CLASP1: variants seen among roughly 807,000 people sequenced by gnomAD.
CLASP1 encodes the protein cytoplasmic linker associated protein 1.
A neutral mutation model predicts 192.3 loss-of-function variants in CLASP1; 38 were observed. That is an observed-to-expected ratio of 0.20 (90% CI 0.15 to 0.26). The LOEUF (loss-of-function observed/expected upper bound fraction) is 0.26. CLASP1 is among the 10% of genes least tolerant of loss of function. CLASP1 has a pLI of 1.00. For missense variants in CLASP1, 1,433 were observed against 1,932.5 expected (o/e 0.74, Z 4.85); for synonymous variants, 691 against 712.8 (o/e 0.97, Z 0.49).
chr2:121,554,203 A>AG (rs776844740), intron 2 of CLASP1, among the ~76,000 whole-genome samples: 1 of 152,132 alleles, frequency 6.6e-6, no homozygotes, highest in South Asian at 2.1e-4. Context: ...CGACAAAGCA[A>AG]GACCCTATCT....
At chr2:121,591,676 G>A (rs184906424) in intron 2 of CLASP1, among the ~76,000 whole-genome samples, 1 of 152,266 alleles carries the variant, frequency 6.6e-6, no homozygotes, top group East Asian at 1.9e-4. Flanking sequence ...TATTAAGGAC[G>A]CCTGAACATC....
At chr2:121,563,768 C>CTTTT (rs2059287278) in intron 2 of CLASP1, among the ~76,000 whole-genome samples, 1 of 151,840 alleles carries the variant, frequency 6.6e-6, no homozygotes, top group South Asian at 2.1e-4. Context: ...GAGAAATAAA[C>CTTTT]AAAAAAGAAT....
chr2:121,418,678 T>C, exon 23 of CLASP1: 1 of 1,613,898 alleles, frequency 6.2e-7, no homozygotes, highest in Non-Finnish European at 8.5e-7. Context: ...ACGGCTGGTA[T>C]CGCGGCTGCA....
intron 7 of CLASP1, among the ~76,000 whole-genome samples, chr2:121,515,033 A>G (rs1157449401): frequency 6.6e-6 from 1 of 152,210 alleles, no homozygotes; most frequent in African/African-American, 2.4e-5. Flanking sequence ...CCAGGGTAAA[A>G]GTTTGGAATT....
chr2:121,399,650 G>A (rs2149450388), intron 28 of CLASP1, among the ~76,000 whole-genome samples: 1 of 152,210 alleles, frequency 6.6e-6, no homozygotes. Context: ...AAAAAGAAGG[G>A]AATATTAAAA....
chr2:121,610,259 A>T (rs533236091), intron 1 of CLASP1, among the ~76,000 whole-genome samples: 1 of 151,808 alleles, frequency 6.6e-6, no homozygotes, highest in South Asian at 2.1e-4. Flanking sequence ...GAGGAGGAGG[A>T]GTTACAGGAG....
intron 37 of CLASP1, among the ~76,000 whole-genome samples, chr2:121,350,174 C>T (rs1231033796): frequency 6.6e-6 from 1 of 152,214 alleles, no homozygotes; most frequent in East Asian, 1.9e-4. Flanking sequence ...TTCCTTTTTG[C>T]ATTATGTTCT....
intron 30 of CLASP1, among the ~76,000 whole-genome samples, chr2:121,389,863 C>T (rs2074037541): frequency 6.6e-6 from 1 of 152,074 alleles, no homozygotes; most frequent in African/African-American, 2.4e-5. Context: ...TTTAAATATA[C>T]ATTTTTTTAT....
intron 8 of CLASP1, among the ~76,000 whole-genome samples, chr2:121,478,939 CCA>C (rs2092268696): frequency 1.1e-4 from 4 of 36,130 alleles, no homozygotes; most frequent in Non-Finnish European, 1.2e-4. Context: ...ACAACACCCC[CCA>C]CACACACACC....
chr2:121,474,239 CA>C (rs1432919482), intron 8 of CLASP1, among the ~76,000 whole-genome samples: 1 of 152,022 alleles, frequency 6.6e-6, no homozygotes, highest in Non-Finnish European at 1.5e-5. Context: ...ATGACACACA[CA>C]AAACTATACA....
At chr2:121,476,569 C>A (rs776634589) in intron 8 of CLASP1, among the ~76,000 whole-genome samples, 1 of 152,200 alleles carries the variant, frequency 6.6e-6, no homozygotes, top group African/African-American at 2.4e-5. Flanking sequence ...AATAACTGCT[C>A]ATTGCCTATC....
rs919440838 is a variant in CLASP1 at position 121,384,181 on chromosome 2, C to T, written c.3375-1857G>A. Among the ~76,000 whole-genome samples the T allele has an allele frequency of 1.4e-4, 21 of 151,184 alleles. 1 individual carries two copies. In the South Asian group the frequency reaches 4.0e-3, roughly 29 times the overall value. ...ACATATATATATATACACACACACACACACACACACACATTTTTTGTTTTT... is the reference window on the plus strand; with the variant it reads ...ACATATATATATATACACACACACATACACACACACACATTTTTTGTTTTT... On this transcript the variant is annotated intron_variant, in intron 32 of 39. Coordinates refer to ENST00000263710, the Ensembl canonical transcript of CLASP1.
rs74625125 is a variant in CLASP1, at chr2:121,403,709, C to T, written c.2733+662G>A. 1,285 of 458,526 alleles carry T rather than the reference C, an allele frequency of 2.8e-3. 18 individuals are homozygous for T. Among genetic ancestry groups the T allele is most frequent in the African/African-American group, 0.023 (1,156 of 50,204 alleles). 28.4% of individuals were successfully genotyped at this position (458,526 alleles called of 1,614,324 possible). A position where few individuals can be genotyped will look rare whatever the true frequency, so the allele number is the denominator to read the frequency against. On this transcript the variant is annotated intron_variant, in intron 26 of 39. Transcript: ENST00000263710. ...ACTTCTGTAAAGATACCCTGTCTCA[C>T]GTCTTTTCCACCACCCCTGGAAAGT...
chr2:121,597,820 G>A (rs977178893), intron 2 of CLASP1, among the ~76,000 whole-genome samples: 10 of 152,192 alleles, frequency 6.6e-5, no homozygotes, highest in South Asian at 4.1e-4. Flanking sequence ...GCACTGCTGC[G>A]CAGAATCAAA....
At chr2:121,506,575 T>C (rs1453497793) in intron 7 of CLASP1, among the ~76,000 whole-genome samples, 1 of 151,976 alleles carries the variant, frequency 6.6e-6, no homozygotes, top group Non-Finnish European at 1.5e-5. Context: ...CCTGGGAACC[T>C]GGGAGGTCAC....
chr2:121,439,210 T>G (rs1004606868), intron 19 of CLASP1, among the ~76,000 whole-genome samples: 5 of 152,198 alleles, frequency 3.3e-5, no homozygotes, highest in African/African-American at 1.2e-4. Context: ...GTCTATTTGA[T>G]TCTTCTTTTT....
chr2:121,486,355 A>T (rs2092970745), intron 8 of CLASP1, among the ~76,000 whole-genome samples: 1 of 152,192 alleles, frequency 6.6e-6, no homozygotes, highest in Non-Finnish European at 1.5e-5. Flanking sequence ...CAAACTGATG[A>T]CTGAAAACTG....
chr2:121,490,803 T>C (rs942196648), intron 8 of CLASP1, among the ~76,000 whole-genome samples: 7 of 152,206 alleles, frequency 4.6e-5, no homozygotes, highest in East Asian at 1.9e-4. Context: ...TTCGTGACTA[T>C]GGAAACACTT....
intron 1 of CLASP1, among the ~76,000 whole-genome samples, chr2:121,640,234 G>A (rs369291978): frequency 4.6e-5 from 7 of 151,654 alleles, no homozygotes; most frequent in East Asian, 1.9e-4. Context: ...GTGGGGGGCC[G>A]GGGGAGGAAT....
Sources: gnomAD v4.1 joint callset for allele counts (sites outside exome capture counted in the v4.1 genomes callset) on GRCh38, gnomAD v4.1.1 for gene constraint, MANE v1.5 for transcripts, NCBI Gene and HGNC (gene_info 2026-07-23, HGNC 2026-07-21) for gene names.